Variants in LRRC7 observed in about 807,000 individuals in gnomAD.
LRRC7 encodes the protein leucine rich repeat containing 7.
In LRRC7, 23 loss-of-function variants were observed where a neutral mutation model predicts 175.7. That is an observed-to-expected ratio of 0.13 (90% confidence interval 0.09 to 0.19). LRRC7 has a LOEUF of 0.19. LRRC7 is among the 10% of genes least tolerant of loss of function. LRRC7 has a pLI of 1.00. For synonymous variants in LRRC7, 685 were observed against 680.9 expected (o/e 1.01, Z -0.09); for missense variants, 1,354 against 1,904.7 (o/e 0.71, Z 5.38).
At chr1:69,772,632 G>C (rs1201423687) in intron 3 of LRRC7, among the ~76,000 whole-genome samples, 2 of 152,228 alleles carry the variant, frequency 1.3e-5, no homozygotes, top group Non-Finnish European at 2.9e-5. Flanking sequence ...GGCTATTGCA[G>C]TTGTTCAGGT....
Position 69,781,807 on chromosome 1 carries a change from AAGGAAGG to A in LRRC7, c.304-10234_304-10228del, listed in dbSNP as rs1277228215. 3.9e-4 allele frequency among the ~76,000 whole-genome samples: 35 copies of A among 90,374 alleles called. 1 individual carries two copies. Among genetic ancestry groups the A allele is most frequent in the African/African-American group, 1.8e-3 (34 of 19,382 alleles). 59.3% of individuals were successfully genotyped at this position (90,374 alleles called of 152,430 possible). A position where few individuals can be genotyped will look rare whatever the true frequency, so the allele number is the denominator to read the frequency against. ...AAAGAAAGGAAGGAAGGAAGGAAGG[AAGGAAGG>A]AAGGAAGGAAGGAAGGAAGGAAGGA... On this transcript the variant is annotated intron_variant, in intron 3 of 26. Coordinates refer to ENST00000651989, the MANE Select transcript of LRRC7 (RefSeq NM_001370785.2).
At position 69,789,174 on chromosome 1, in the gene LRRC7, T is replaced by C. The variant is rs550415103; in HGVS notation, c.304-2869T>C. On this transcript the variant is annotated intron_variant, in intron 3 of 26. Transcript: ENST00000651989. ...TTTGGTGTCAGTAATTTATATTGTA[T>C]AGTCTTCTCAAACCAATTTCTTCAG... Among the ~76,000 whole-genome samples the C allele has an allele frequency of 3.9e-5, 6 of 152,262 alleles. No homozygotes were observed. In the East Asian group the frequency reaches 9.6e-4, roughly 24 times the overall value.
chr1:69,785,220 G>C (rs1021216869), intron 3 of LRRC7, among the ~76,000 whole-genome samples: 18 of 151,938 alleles, frequency 1.2e-4, no homozygotes, highest in Non-Finnish European at 1.8e-4. Flanking sequence ...ATATATTAAT[G>C]TTACTATACT....
chr1:69,796,125 C>A (rs1172955180), intron 4 of LRRC7, among the ~76,000 whole-genome samples: 4 of 117,304 alleles, frequency 3.4e-5, no homozygotes, highest in Admixed American at 9.1e-5. Flanking sequence ...CCCCTCCCCC[C>A]ACCCCTCAAC....
At chr1:69,705,787 A>T (rs1225474415) in intron 2 of LRRC7, among the ~76,000 whole-genome samples, 1 of 152,194 alleles carries the variant, frequency 6.6e-6, no homozygotes, top group East Asian at 1.9e-4. Flanking sequence ...TTTATCTCCC[A>T]GGCCCCTAGA....
At chr1:69,573,698 A>G (rs1645829803) in intron 1 of LRRC7, among the ~76,000 whole-genome samples, 2 of 147,718 alleles carry the variant, frequency 1.4e-5, no homozygotes, top group South Asian at 2.2e-4. Context: ...AAGACATGGG[A>G]AAAATATTAA....
intron 4 of LRRC7, among the ~76,000 whole-genome samples, chr1:69,824,710 G>T (rs74530706): frequency 9.9e-5 from 15 of 152,008 alleles, no homozygotes; most frequent in African/African-American, 3.6e-4. Flanking sequence ...GGAATATTTT[G>T]TTTCTTGAGT....
At chr1:70,087,812 G>A (rs1262949642) in intron 24 of LRRC7, among the ~76,000 whole-genome samples, 1 of 152,026 alleles carries the variant, frequency 6.6e-6, no homozygotes, top group East Asian at 1.9e-4. Context: ...TCTTTGTGTT[G>A]CCAGTAAACT....
At chr1:69,981,436 A>G (rs1653417611) in intron 9 of LRRC7, among the ~76,000 whole-genome samples, 1 of 152,252 alleles carries the variant, frequency 6.6e-6, no homozygotes, top group Non-Finnish European at 1.5e-5. Context: ...TAATGCTTTT[A>G]TCAAAAGATG....
rs1047466055 is a variant in LRRC7 at position 70,131,821 on chromosome 1, T to A, written c.*9934T>A. On this transcript the variant is annotated 3_prime_UTR_variant, in exon 27 of 27. Transcript: ENST00000651989. ...ATGCCAATGTCTCTTTGAACAAAAA[T>A]AAATGAAAAATGAACTGGAAAAGTG... 1.3e-5 allele frequency among the ~76,000 whole-genome samples: 2 copies of A among 152,080 alleles called. No homozygotes were observed. Among genetic ancestry groups the A allele is most frequent in the Non-Finnish European group, 2.9e-5 (2 of 68,006 alleles).
Position 70,131,562 on chromosome 1 carries a change from A to C in LRRC7, c.*9675A>C, listed in dbSNP as rs1666663227. Among the ~76,000 whole-genome samples, 1 of 152,188 alleles carries C rather than the reference A, an allele frequency of 6.6e-6. No individual in the cohort carries two copies. The highest frequency in any genetic ancestry group is 2.4e-5 in the African/African-American group (1 of 41,450). On this transcript the variant is annotated 3_prime_UTR_variant, in exon 27 of 27. Coordinates refer to ENST00000651989, the MANE Select transcript of LRRC7 (RefSeq NM_001370785.2). ...TATACTATTAATATTAATTACTCTT[A>C]TTCTACCTCTGCTTTTTAATTTCTT...
intron 25 of LRRC7, among the ~76,000 whole-genome samples, chr1:70,095,972 T>G (rs143199837): frequency 0.025 from 3,773 of 150,162 alleles, 137 homozygotes; most frequent in African/African-American, 0.086. Context: ...GTTTTTTTTG[T>G]TTTTTTTTGT....
At chr1:70,024,500 A>G (rs1217638768) in intron 17 of LRRC7, among the ~76,000 whole-genome samples, 1 of 151,960 alleles carries the variant, frequency 6.6e-6, no homozygotes, top group Non-Finnish European at 1.5e-5. Flanking sequence ...TTTTTTCAAA[A>G]TTAAAGTAAT....
intron 8 of LRRC7, among the ~76,000 whole-genome samples, chr1:69,957,588 C>A (rs991074420): frequency 1.3e-5 from 2 of 151,778 alleles, no homozygotes; most frequent in African/African-American, 4.8e-5. Flanking sequence ...TGATTACCAA[C>A]TTTCAAAGAA....
intron 5 of LRRC7, among the ~76,000 whole-genome samples, chr1:69,827,221 CA>C (rs1433751777): frequency 2.0e-5 from 3 of 152,144 alleles, no homozygotes; most frequent in African/African-American, 7.2e-5. Context: ...TGAGTCAAAA[CA>C]ATCCAGTGCT....
chr1:69,645,123 A>G (rs537387874), intron 1 of LRRC7, among the ~76,000 whole-genome samples: 24 of 151,840 alleles, frequency 1.6e-4, no homozygotes, highest in Admixed American at 6.6e-4. Context: ...ATGGTAGTAC[A>G]GTAAGAAAAG....
intron 7 of LRRC7, among the ~76,000 whole-genome samples, chr1:69,839,664 A>G (rs1395101000): frequency 1.3e-5 from 2 of 152,118 alleles, no homozygotes; most frequent in African/African-American, 2.4e-5. Flanking sequence ...TCACCTAAAT[A>G]TATACATTTA....
chr1:69,870,106 G>T (rs1273013511), intron 7 of LRRC7, among the ~76,000 whole-genome samples: 2 of 152,124 alleles, frequency 1.3e-5, no homozygotes, highest in Non-Finnish European at 2.9e-5. Context: ...AATTCAGAGA[G>T]CAGTGGGGCA....
intron 8 of LRRC7, 71 bp from the exon 9 acceptor site, chr1:69,980,308 T>A (rs1247376506): frequency 8.1e-7 from 1 of 1,240,254 alleles, no homozygotes; most frequent in South Asian, 1.2e-5. Context: ...AAATTACATC[T>A]TATGTTTGTG....
Sources: gnomAD v4.1 joint callset for allele counts (sites outside exome capture counted in the v4.1 genomes callset) on GRCh38, gnomAD v4.1.1 for gene constraint, MANE v1.5 for transcripts, NCBI Gene and HGNC (gene_info 2026-07-23, HGNC 2026-07-21) for gene names.